B3GALT1: variants seen among roughly 807,000 people sequenced by gnomAD.
B3GALT1 encodes beta-1,3-galactosyltransferase 1, also known as UDP-Gal:betaGlcNAc beta 1,3-galactosyltransferase, polypeptide 1.
Under a neutral mutation model 23.2 loss-of-function variants are expected in B3GALT1, and 10 were observed. The observed-to-expected ratio is 0.43, with a 90% CI of 0.27 to 0.73. B3GALT1 has a LOEUF of 0.73. Among genes scored for constraint, B3GALT1 ranks in the 30% least tolerant of loss-of-function variants. The pLI is 0.21. For synonymous variants in B3GALT1, 156 were observed against 141.5 expected, an observed-to-expected ratio of 1.10 and a Z score of -0.73; for missense variants, 299 against 405.4, an observed-to-expected ratio of 0.74 and a Z score of 2.25.
chr2:167,435,589 A>G (rs1041486548), intron 1 of B3GALT1, among the ~76,000 whole-genome samples: 17 of 152,008 alleles, frequency 1.1e-4, no homozygotes, highest in African/African-American at 1.7e-4. Context: ...TTAGTTTTGC[A>G]GTCTTACTCT....
At chr2:167,804,224 A>T (rs1054710698) in intron 3 of B3GALT1, among the ~76,000 whole-genome samples, 2 of 152,120 alleles carry the variant, frequency 1.3e-5, no homozygotes. Flanking sequence ...TCCTGACTTC[A>T]AGTGATCTGC....
intron 1 of B3GALT1, among the ~76,000 whole-genome samples, chr2:167,450,769 A>C (rs1053425807): frequency 6.6e-6 from 1 of 152,186 alleles, no homozygotes; most frequent in Non-Finnish European, 1.5e-5. Flanking sequence ...GTTTTCCTCA[A>C]TTATTCCCCC....
At chr2:167,461,709 A>G (rs1471599483) in intron 1 of B3GALT1, among the ~76,000 whole-genome samples, 4 of 152,186 alleles carry the variant, frequency 2.6e-5, no homozygotes, top group African/African-American at 4.8e-5. Flanking sequence ...TAAATTAGCT[A>G]AATTCTTTTC....
intron 2 of B3GALT1, among the ~76,000 whole-genome samples, chr2:167,572,709 G>A (rs971997008): frequency 2.6e-5 from 4 of 151,586 alleles, no homozygotes; most frequent in African/African-American, 9.7e-5. Context: ...TGTTAATACT[G>A]CCCTTGATGT....
At chr2:167,669,416 T>C (rs1686280758) in intron 3 of B3GALT1, among the ~76,000 whole-genome samples, 3 of 152,208 alleles carry the variant, frequency 2.0e-5, no homozygotes, top group South Asian at 4.1e-4. Context: ...CTGGTTTTTT[T>C]CTCTGTTTTC....
chr2:167,591,909 T>C (rs1168299964), intron 2 of B3GALT1, among the ~76,000 whole-genome samples: 2 of 152,076 alleles, frequency 1.3e-5, no homozygotes, highest in African/African-American at 2.4e-5. Context: ...TTGTGCTTGG[T>C]ATAGAGTGAT....
chr2:167,702,738 A>G (rs746221563), intron 3 of B3GALT1, among the ~76,000 whole-genome samples: 23 of 152,338 alleles, frequency 1.5e-4, no homozygotes, highest in Non-Finnish European at 3.1e-4. Flanking sequence ...CTTGATTTAT[A>G]GTCCTCTAAT....
chr2:167,416,031 C>T (rs1047892211), intron 1 of B3GALT1, among the ~76,000 whole-genome samples: 3 of 152,078 alleles, frequency 2.0e-5, no homozygotes, highest in Admixed American at 1.3e-4. Flanking sequence ...AACTCTCGGC[C>T]TGGCCATGTA....
At chr2:167,867,165 A>G (rs565731988) in intron 4 of B3GALT1, among the ~76,000 whole-genome samples, 19 of 152,182 alleles carry the variant, frequency 1.2e-4, no homozygotes, top group Non-Finnish European at 2.5e-4. Context: ...TGACCTCGTG[A>G]TCCGCCCCCC....
chr2:167,384,616 G>T (rs1356548721), intron 1 of B3GALT1, among the ~76,000 whole-genome samples: 3 of 152,016 alleles, frequency 2.0e-5, no homozygotes, highest in African/African-American at 7.2e-5. Context: ...CAGTCACTGG[G>T]TTCCTCCAGA....
intron 4 of B3GALT1, among the ~76,000 whole-genome samples, chr2:167,825,497 T>TATATAAATTATATATAC (rs1470318603): frequency 2.0e-5 from 3 of 147,844 alleles, no homozygotes; most frequent in African/African-American, 7.4e-5. Context: ...ATTATATATA[T>TATATAAATTATATATAC]ATATAAATTA....
At chr2:167,585,850 A>C (rs1257495048) in intron 2 of B3GALT1, among the ~76,000 whole-genome samples, 1 of 152,196 alleles carries the variant, frequency 6.6e-6, no homozygotes, top group Non-Finnish European at 1.5e-5. Flanking sequence ...AAGAATATAC[A>C]AAAATAAAAA....
chr2:167,398,456 T>A (rs149453446), intron 1 of B3GALT1, among the ~76,000 whole-genome samples: 97 of 152,252 alleles, frequency 6.4e-4, no homozygotes, highest in African/African-American at 2.0e-3. Flanking sequence ...CCAACATTTT[T>A]AAAATGATAA....
At chr2:167,710,408 G>A (rs140938403) in intron 3 of B3GALT1, among the ~76,000 whole-genome samples, 177 of 152,222 alleles carry the variant, frequency 1.2e-3, no homozygotes, top group African/African-American at 3.9e-3. Context: ...TTTTACAGAC[G>A]AGGAAACCGT....
intron 2 of B3GALT1, among the ~76,000 whole-genome samples, chr2:167,522,495 C>A (rs1700205077): frequency 6.6e-6 from 1 of 152,042 alleles, no homozygotes; most frequent in Non-Finnish European, 1.5e-5. Flanking sequence ...TTTTCTCTTG[C>A]CAATATCCGA....
intron 3 of B3GALT1, chr2:167,713,923 T>C: frequency 1.3e-6 from 2 of 1,576,652 alleles, no homozygotes; most frequent in Non-Finnish European, 1.7e-6. Context: ...AAGGAGGTCC[T>C]CTTCTCGTGA....
chr2:167,469,563 G>A (rs920666817), intron 1 of B3GALT1, among the ~76,000 whole-genome samples: 12 of 152,082 alleles, frequency 7.9e-5, no homozygotes, highest in African/African-American at 2.7e-4. Flanking sequence ...TGTGCCCATG[G>A]TAAGAATACA....
chr2:167,608,357 A>G (rs1033479382), intron 2 of B3GALT1, among the ~76,000 whole-genome samples: 5 of 152,164 alleles, frequency 3.3e-5, no homozygotes, highest in African/African-American at 9.7e-5. Flanking sequence ...TATTTGGCGT[A>G]TAGCATAACT....
chr2:167,451,735 T>C (rs1408171593), intron 1 of B3GALT1, among the ~76,000 whole-genome samples: 2 of 152,160 alleles, frequency 1.3e-5, no homozygotes, highest in Non-Finnish European at 2.9e-5. Flanking sequence ...GATCAGGCAG[T>C]GGGCAGTGCC....
Sources: gnomAD v4.1 joint callset for allele counts (sites outside exome capture counted in the v4.1 genomes callset) on GRCh38, gnomAD v4.1.1 for gene constraint, MANE v1.5 for transcripts, NCBI Gene and HGNC (gene_info 2026-07-23, HGNC 2026-07-21) for gene names.